FAM114A1: variants seen among roughly 807,000 people sequenced by gnomAD.
FAM114A1 encodes protein NOXP20.
In FAM114A1, 62 loss-of-function variants were observed where a neutral mutation model predicts 64.3. The observed-to-expected ratio is 0.96, with a 90% CI of 0.79 to 1.19. The LOEUF (loss-of-function observed/expected upper bound fraction) is 1.19, where lower values mean the gene tolerates loss of function less well. Among genes scored for constraint, FAM114A1 ranks in the 50% most tolerant of loss-of-function variants. The pLI, the probability that FAM114A1 is intolerant of heterozygous loss-of-function variation, is 0.00. For missense variants in FAM114A1, 645 were observed against 676.3 expected, an observed-to-expected ratio of 0.95 and a Z score of 0.51; for synonymous variants, 254 against 251.1, an observed-to-expected ratio of 1.01 and a Z score of -0.11.
In FAM114A1 at chr4:38,919,928, C is replaced by T. The variant is rs958990700; in HGVS notation, c.946-2842C>T. Among the ~76,000 whole-genome samples the T allele has an allele frequency of 3.9e-5, 6 of 152,096 alleles. No homozygotes were observed. The South Asian group carries it at 6.2e-4, about 16-fold the overall frequency. On this transcript the variant is annotated intron_variant, in intron 8 of 14. Transcript: ENST00000358869. ...AGGTTAAAGAGAAACTAATCATTTT[C>T]GGCTGGGCGCGATGGCACACCTGTA...
chr4:38,940,816 C>T (rs377492029), intron 13 of FAM114A1, 152 bp from the exon 14 acceptor site: 34 of 709,402 alleles, frequency 4.8e-5, no homozygotes, highest in African/African-American at 2.7e-4. Context: ...GGTGCAGCAG[C>T]GGGTATGAAG....
At chr4:38,870,957 A>T (rs1322271025) in intron 2 of FAM114A1, among the ~76,000 whole-genome samples, 1 of 152,178 alleles carries the variant, frequency 6.6e-6, no homozygotes, top group Non-Finnish European at 1.5e-5. Flanking sequence ...CCAAACAAAA[A>T]ATAATTTTTT....
chr4:38,943,626 G>A lies in FAM114A1; in HGVS notation c.*69G>A. 3 of 1,353,598 alleles carry A rather than the reference G, an allele frequency of 2.2e-6. No homozygotes were observed. The highest frequency in any genetic ancestry group is 3.2e-6 in the Non-Finnish European group (3 of 947,924). 83.8% of individuals were successfully genotyped at this position (1,353,598 alleles called of 1,614,324 possible). ...TGCCTCAATATGTACCATTTAAGGG[G>A]ATGTTCTCTGTGCGCCTGGCCACAG... On this transcript the variant is annotated 3_prime_UTR_variant, in exon 15 of 15. Coordinates refer to ENST00000358869, the MANE Select transcript of FAM114A1 (RefSeq NM_138389.4).
chr4:38,884,533 T>A (rs899641005), intron 3 of FAM114A1, among the ~76,000 whole-genome samples: 5 of 152,248 alleles, frequency 3.3e-5, no homozygotes, highest in Admixed American at 6.5e-5. Flanking sequence ...GGGTTTTGTT[T>A]TGCTTTTTAA....
chr4:38,914,222 C>A (rs944310946), intron 7 of FAM114A1, among the ~76,000 whole-genome samples: 1 of 151,962 alleles, frequency 6.6e-6, no homozygotes, highest in African/African-American at 2.4e-5. Context: ...TTCAACTTTT[C>A]AAGCATACAT....
chr4:38,921,282 T>G (rs1047272854), intron 8 of FAM114A1, among the ~76,000 whole-genome samples: 9 of 151,972 alleles, frequency 5.9e-5, no homozygotes, highest in Admixed American at 5.9e-4. Flanking sequence ...TAATGTTCTG[T>G]TTTTTTTGAA....
At chr4:38,917,149 CAAATAAATAAATAAATAAAT>C (rs55953630) in intron 8 of FAM114A1, among the ~76,000 whole-genome samples, 2 of 143,064 alleles carry the variant, frequency 1.4e-5, no homozygotes, top group African/African-American at 5.3e-5. Context: ...ACTAAAAATA[CAAATAAATAAATAAATAAAT>C]AAATAAATAA....
intron 8 of FAM114A1, among the ~76,000 whole-genome samples, chr4:38,921,642 T>G (rs1268641824): frequency 6.6e-6 from 1 of 152,166 alleles, no homozygotes; most frequent in African/African-American, 2.4e-5. Flanking sequence ...AAGACGTCAG[T>G]CCCAGCATCA....
At chr4:38,929,036 T>C (rs1720395569) in intron 9 of FAM114A1, 1 of 536,950 alleles carries the variant, frequency 1.9e-6, no homozygotes. Flanking sequence ...ACAGCAAGAC[T>C]TCAGCGGCCC....
chr4:38,912,726 T>C (rs939907260), intron 7 of FAM114A1, among the ~76,000 whole-genome samples: 3 of 152,192 alleles, frequency 2.0e-5, no homozygotes, highest in Non-Finnish European at 2.9e-5. Flanking sequence ...AGAGTGACCC[T>C]TTCCCTTTCT....
intron 4 of FAM114A1, among the ~76,000 whole-genome samples, chr4:38,902,190 G>C (rs1717584352): frequency 6.6e-6 from 1 of 152,084 alleles, no homozygotes; most frequent in Non-Finnish European, 1.5e-5. Flanking sequence ...ACCTCACCAG[G>C]TCTCAGTTTT....
intron 4 of FAM114A1, among the ~76,000 whole-genome samples, chr4:38,897,690 G>A (rs1717066986): frequency 6.6e-6 from 1 of 151,964 alleles, no homozygotes; most frequent in South Asian, 2.1e-4. Context: ...AGAAAAGAGG[G>A]TTTTTGGGGA....
chr4:38,901,399 T>C (rs1473299320), intron 4 of FAM114A1, among the ~76,000 whole-genome samples: 2 of 152,174 alleles, frequency 1.3e-5, no homozygotes, highest in Non-Finnish European at 2.9e-5. Flanking sequence ...GCGATTCTCC[T>C]GCCTCAGCCT....
chr4:38,943,301 C>T (rs1031536507), intron 14 of FAM114A1, among the ~76,000 whole-genome samples, 155 bp from the exon 15 acceptor site: 1 of 151,976 alleles, frequency 6.6e-6, no homozygotes, highest in African/African-American at 2.4e-5. Context: ...CATCCAAAAG[C>T]ATGTGTTTAC....
rs1267234235 is a variant in FAM114A1 at position 38,894,250 on chromosome 4, T to A, written c.436+2420T>A. On this transcript the variant is annotated intron_variant, in intron 4 of 14. Coordinates refer to ENST00000358869, the MANE Select transcript of FAM114A1 (RefSeq NM_138389.4). ...TTGATCCGACGTCATTGTCTTAATC[T>A]GCGGCCTGTGCTTGTGTTTGGGGTT... 3.3e-5 allele frequency among the ~76,000 whole-genome samples: 5 copies of A among 151,968 alleles called. No individual in the cohort carries two copies. The East Asian group carries it at 9.7e-4, about 29-fold the overall frequency.
chr4:38,879,672 A>G (rs1715013231), intron 3 of FAM114A1, among the ~76,000 whole-genome samples: 1 of 152,136 alleles, frequency 6.6e-6, no homozygotes, highest in Non-Finnish European at 1.5e-5. Flanking sequence ...TAGGGATGTT[A>G]TGGAAGCAAT....
At chr4:38,898,265 A>G (rs1717140752) in intron 4 of FAM114A1, among the ~76,000 whole-genome samples, 2 of 152,194 alleles carry the variant, frequency 1.3e-5, no homozygotes, top group Non-Finnish European at 2.9e-5. Flanking sequence ...TACGGAATGT[A>G]CCTGATATGT....
intron 3 of FAM114A1, among the ~76,000 whole-genome samples, chr4:38,885,325 G>T (rs1182586852): frequency 1.3e-5 from 2 of 152,234 alleles, no homozygotes; most frequent in East Asian, 1.9e-4. Flanking sequence ...GCCCAGGCTG[G>T]AGTGAAGTAG....
chr4:38,893,375 C>A (rs1305959399), intron 4 of FAM114A1, among the ~76,000 whole-genome samples: 1 of 152,246 alleles, frequency 6.6e-6, no homozygotes, highest in East Asian at 1.9e-4. Context: ...ATAAAACAGT[C>A]ATGTGTCCTG....
Sources: gnomAD v4.1 joint callset for allele counts (sites outside exome capture counted in the v4.1 genomes callset) on GRCh38, gnomAD v4.1.1 for gene constraint, MANE v1.5 for transcripts, NCBI Gene and HGNC (gene_info 2026-07-23, HGNC 2026-07-21) for gene names.